VPS37A: variants seen among roughly 807,000 people sequenced by gnomAD.
The protein encoded by VPS37A is VPS37A subunit of ESCRT-I, also known as vacuolar protein sorting-associated protein 37A.
Under a neutral mutation model 49.8 loss-of-function variants are expected in VPS37A, and 30 were observed. The observed-to-expected ratio is 0.60, with a 90% confidence interval of 0.45 to 0.82. The LOEUF is 0.82. Among genes scored for constraint, VPS37A ranks in the 40% least tolerant of loss-of-function variants. The pLI is 0.00. For missense variants in VPS37A, 593 were observed against 464.4 expected (o/e 1.28, Z -2.55); for synonymous variants, 195 against 160.6 (o/e 1.21, Z -1.62).
chr8:17,256,452 GT>G (rs1812470474), intron 1 of VPS37A, among the ~76,000 whole-genome samples: 1 of 151,414 alleles, frequency 6.6e-6, no homozygotes, highest in African/African-American at 2.4e-5. Context: ...TTTGAGAAAT[GT>G]TTGTTGAGAT....
intron 11 of VPS37A, among the ~76,000 whole-genome samples, chr8:17,289,550 T>C (rs1815943576): frequency 6.6e-6 from 1 of 152,160 alleles, no homozygotes; most frequent in Non-Finnish European, 1.5e-5. Flanking sequence ...TTCTGTTCCA[T>C]TGGTCTGTAT....
At chr8:17,259,847 C>A (rs902698217) in intron 1 of VPS37A, among the ~76,000 whole-genome samples, 10 of 151,988 alleles carry the variant, frequency 6.6e-5, no homozygotes, top group African/African-American at 2.4e-4. Flanking sequence ...TTTTTATAGT[C>A]TTTGATTTGT....
chr8:17,286,598 A>ATAAC, intron 11 of VPS37A, 171 bp downstream of exon 11: 1 of 531,796 alleles, frequency 1.9e-6, no homozygotes, highest in East Asian at 3.1e-5. Flanking sequence ...ATATAAACAT[A>ATAAC]TAACTAGTAG....
At chr8:17,275,983 C>A (rs1267525884) in intron 5 of VPS37A, among the ~76,000 whole-genome samples, 1 of 152,136 alleles carries the variant, frequency 6.6e-6, no homozygotes, top group African/African-American at 2.4e-5. Flanking sequence ...AGTGGCTACT[C>A]GGTTGCTCAT....
chr8:17,285,178 A>G (rs992143742), intron 10 of VPS37A, among the ~76,000 whole-genome samples: 1 of 152,202 alleles, frequency 6.6e-6, no homozygotes, highest in African/African-American at 2.4e-5. Flanking sequence ...CCTCTTGAGA[A>G]TAATAGCAGC....
chr8:17,304,449 A>G, downstream of VPS37A: 2 of 1,614,104 alleles, frequency 1.2e-6, no homozygotes, highest in Admixed American at 1.7e-5. Flanking sequence ...TCAGCTCTAA[A>G]CAGAGGATTC....
downstream of VPS37A, among the ~76,000 whole-genome samples, chr8:17,306,370 G>C (rs1817455785): frequency 6.6e-6 from 1 of 151,724 alleles, no homozygotes; most frequent in South Asian, 2.1e-4. Context: ...GTTGGGAAGG[G>C]ATGAGGAAAA....
downstream of VPS37A, chr8:17,301,795 G>A (rs1360235637): frequency 3.6e-6 from 1 of 280,716 alleles, no homozygotes; most frequent in African/African-American, 2.2e-5. Context: ...TTCTAAAAGT[G>A]GGGAAAGAGT....
the VPS37A span, among the ~76,000 whole-genome samples, chr8:17,308,061 A>G: frequency 6.6e-6 from 1 of 151,854 alleles, no homozygotes; most frequent in Non-Finnish European, 1.5e-5. Context: ...AAATAAAAAT[A>G]AAATGAGGAA....
At chr8:17,315,579 G>A in the VPS37A span, among the ~76,000 whole-genome samples, 1 of 152,126 alleles carries the variant, frequency 6.6e-6, no homozygotes, top group African/African-American at 2.4e-5. Flanking sequence ...GGCTAGCTGG[G>A]ACTCTCCGTA....
chr8:17,302,041 T>C, downstream of VPS37A: 1 of 1,411,516 alleles, frequency 7.1e-7, no homozygotes, highest in Non-Finnish European at 9.8e-7. Flanking sequence ...GGTGTTCTAC[T>C]GACTAAAAAT....
chr8:17,292,918 T>G (rs540803756), intron 11 of VPS37A, among the ~76,000 whole-genome samples: 76 of 152,314 alleles, frequency 5.0e-4, no homozygotes, highest in African/African-American at 1.7e-3. Context: ...TTGGTAAATC[T>G]GACAATTACG....
At chr8:17,317,893 G>A in the VPS37A span, among the ~76,000 whole-genome samples, 59 of 151,758 alleles carry the variant, frequency 3.9e-4, 1 homozygote, top group Admixed American at 2.2e-3. Flanking sequence ...TCAATCTCCC[G>A]TCCTTCTGTA....
Position 17,284,554 on chromosome 8 carries a change from G to C in VPS37A, c.1051G>C (p.Asp351His). The C allele has an allele frequency of 3.1e-6, 5 of 1,602,124 alleles. No homozygotes were observed. The highest frequency in any genetic ancestry group is 4.3e-6 in the Non-Finnish European group (5 of 1,175,840). Residue 351 changes from aspartate to histidine, a missense_variant, in exon 10 of 12, where the codon GAC becomes CAC. Asp to His is a moderately conservative substitution (Grantham distance 81). Transcript: ENST00000324849. ...AEEESDNIAEDFLEGKMEIDD... is the reference protein window; with the variant it reads ...AEEESDNIAEHFLEGKMEIDD... ...GGAAGAATCTGATAATATTGCAGAAGACTTCTTGGAGGGAAAGATGGAAAT... is the reference window on the plus strand; with the variant it reads ...GGAAGAATCTGATAATATTGCAGAACACTTCTTGGAGGGAAAGATGGAAAT...
chr8:17,304,842 T>C (rs983902838), downstream of VPS37A, among the ~76,000 whole-genome samples: 1 of 151,986 alleles, frequency 6.6e-6, no homozygotes, highest in African/African-American at 2.4e-5. Context: ...CACACTATTC[T>C]AAATGTTCCA....
chr8:17,311,717 G>A, the VPS37A span: 2 of 1,586,904 alleles, frequency 1.3e-6, no homozygotes, highest in Non-Finnish European at 1.7e-6. Context: ...AGGTTTGACT[G>A]TATATTTACA....
At position 17,246,985 on chromosome 8, in the gene VPS37A, C is replaced by T. The variant is rs952279381; in HGVS notation, c.-260C>T. The T allele has an allele frequency of 1.6e-5, 8 of 490,952 alleles. No individual in the cohort carries two copies. Among genetic ancestry groups the T allele is most frequent in the East Asian group, 7.9e-5 (2 of 25,352 alleles). The allele number at this position is 490,952 out of a possible 1,614,324, so 30.4% of individuals were successfully genotyped here. On this transcript the variant is annotated 5_prime_UTR_variant, in exon 1 of 12. Transcript: ENST00000324849. ...TGGGCGGCCAGGCTCCCTGGCTGGCCGGTTTGGGCGTCTGGGCCGTGAAGG... is the reference window on the plus strand; with the variant it reads ...TGGGCGGCCAGGCTCCCTGGCTGGCTGGTTTGGGCGTCTGGGCCGTGAAGG...
At position 17,296,521 on chromosome 8, in the gene VPS37A, T is replaced by G. The variant is rs941069290; in HGVS notation, c.*1535T>G. ...TCCCAGCAGTTACAGCAATGGGAGA[T>G]AGAACAGTCTCAATCTTTTGCCAAC... is the stretch of plus-strand genomic sequence containing the variant. On this transcript the variant is annotated 3_prime_UTR_variant, in exon 12 of 12. Transcript: ENST00000324849. The G allele has an allele frequency of 1.3e-5, 2 of 152,172 alleles. No individual in the cohort carries two copies. Among genetic ancestry groups the G allele is most frequent in the East Asian group, 1.9e-4 (1 of 5,188 alleles). The allele number at this position is 152,172 out of a possible 1,614,324, so 9.4% of individuals were successfully genotyped here.
the VPS37A span, chr8:17,331,029 G>A: frequency 8.4e-7 from 1 of 1,196,388 alleles, no homozygotes. Context: ...ACTGTAACAT[G>A]ATATTCTTCC....
Sources: gnomAD v4.1 joint callset for allele counts (sites outside exome capture counted in the v4.1 genomes callset) on GRCh38, gnomAD v4.1.1 for gene constraint, MANE v1.5 for transcripts, NCBI Gene and HGNC (gene_info 2026-07-23, HGNC 2026-07-21) for gene names.